The following NALF1 variants were observed in gnomAD, a reference collection of about 807,000 sequenced individuals.
NALF1 encodes the protein NALCN channel auxiliary factor 1.
In NALF1, 3 loss-of-function variants were observed where a neutral mutation model predicts 48.4. The ratio of observed to expected loss-of-function variants is 0.06; its 90% confidence interval spans 0.03 to 0.16. The LOEUF (loss-of-function observed/expected upper bound fraction) is 0.16. NALF1 is among the 10% of genes least tolerant of loss of function. The pLI is 1.00. For missense variants in NALF1, 526 were observed against 571.5 expected (o/e 0.92, Z 0.81); for synonymous variants, 262 against 245.7 (o/e 1.07, Z -0.62).
intron 1 of NALF1, among the ~76,000 whole-genome samples, chr13:107,324,959 T>A (rs1296601640): frequency 6.6e-6 from 1 of 152,212 alleles, no homozygotes; most frequent in Non-Finnish European, 1.5e-5. Flanking sequence ...TGAAATGATT[T>A]ATGTCTATTG....
At chr13:107,211,175 C>T (rs564353386) in intron 1 of NALF1, among the ~76,000 whole-genome samples, 10 of 152,310 alleles carry the variant, frequency 6.6e-5, no homozygotes, top group Admixed American at 5.2e-4. Context: ...ACGTCTATGC[C>T]TCCATAGGAC....
intron 1 of NALF1, among the ~76,000 whole-genome samples, chr13:107,643,511 A>G (rs1880219696): frequency 1.4e-5 from 2 of 145,630 alleles, no homozygotes; most frequent in South Asian, 4.8e-4. Flanking sequence ...AAATGTAAAT[A>G]CAGTATAATT....
intron 2 of NALF1, among the ~76,000 whole-genome samples, chr13:107,185,250 G>A (rs1246551509): frequency 1.3e-5 from 2 of 152,130 alleles, no homozygotes; most frequent in Admixed American, 6.5e-5. Context: ...GAAAATACAT[G>A]TCTACTTGGT....
intron 1 of NALF1, among the ~76,000 whole-genome samples, chr13:107,582,866 T>C (rs2138411758): frequency 6.6e-6 from 1 of 152,282 alleles, no homozygotes; most frequent in Non-Finnish European, 1.5e-5. Context: ...AAAATGAGTC[T>C]ACGCGTGCAC....
chr13:107,320,012 A>G (rs1475278581), intron 1 of NALF1, among the ~76,000 whole-genome samples: 1 of 152,148 alleles, frequency 6.6e-6, no homozygotes, highest in Middle Eastern at 3.2e-3. Context: ...AACTTACAGA[A>G]CAGAACAAGG....
chr13:107,848,466 T>C (rs1880228248), intron 1 of NALF1, among the ~76,000 whole-genome samples: 1 of 152,204 alleles, frequency 6.6e-6, no homozygotes, highest in Non-Finnish European at 1.5e-5. Flanking sequence ...CAAGTAACTT[T>C]CCCAAATAAT....
At chr13:107,698,873 T>G (rs966462709) in intron 1 of NALF1, among the ~76,000 whole-genome samples, 2 of 152,084 alleles carry the variant, frequency 1.3e-5, no homozygotes, top group African/African-American at 4.8e-5. Flanking sequence ...ATACTGCTGA[T>G]AGAGTGGTGA....
intron 1 of NALF1, among the ~76,000 whole-genome samples, chr13:107,487,519 T>C (rs1885348821): frequency 6.6e-6 from 1 of 152,316 alleles, no homozygotes; most frequent in African/African-American, 2.4e-5. Flanking sequence ...AGTGGACATG[T>C]GTATCCACTG....
intron 1 of NALF1, among the ~76,000 whole-genome samples, chr13:107,245,254 T>C (rs1048239801): frequency 6.6e-6 from 1 of 152,248 alleles, no homozygotes; most frequent in Non-Finnish European, 1.5e-5. Flanking sequence ...ATGAAAAGCA[T>C]GGTTTTCACG....
chr13:107,289,452 AT>A (rs528905286), intron 1 of NALF1, among the ~76,000 whole-genome samples: 8 of 152,064 alleles, frequency 5.3e-5, no homozygotes, highest in Admixed American at 3.3e-4. Context: ...AATATTCCGG[AT>A]TTTTTTGGCA....
chr13:107,252,420 AGAG>A (rs1250093410), intron 1 of NALF1, among the ~76,000 whole-genome samples: 2 of 151,316 alleles, frequency 1.3e-5, no homozygotes, highest in Non-Finnish European at 3.0e-5. Flanking sequence ...GAGAATAAAG[AGAG>A]GAGAGAGGAA....
intron 1 of NALF1, among the ~76,000 whole-genome samples, chr13:107,630,159 T>A (rs2138447753): frequency 7.0e-6 from 1 of 143,628 alleles, no homozygotes; most frequent in Non-Finnish European, 1.5e-5. Flanking sequence ...GGTCTGATTT[T>A]TCATAAAAAA....
chr13:107,818,988 T>C (rs1224561727), intron 1 of NALF1, among the ~76,000 whole-genome samples: 3 of 151,612 alleles, frequency 2.0e-5, no homozygotes, highest in Non-Finnish European at 2.9e-5. Context: ...TTATAAAACA[T>C]GAGAGCCTGA....
intron 1 of NALF1, among the ~76,000 whole-genome samples, chr13:107,635,233 A>T (rs945214692): frequency 1.7e-4 from 26 of 152,124 alleles, no homozygotes; most frequent in African/African-American, 5.8e-4. Flanking sequence ...TGGGTAATTT[A>T]TAAAGGAAAG....
chr13:107,854,852 G>A (rs1332136407), intron 1 of NALF1, among the ~76,000 whole-genome samples: 1 of 144,150 alleles, frequency 6.9e-6, no homozygotes, highest in African/African-American at 2.6e-5. Context: ...TCAGCCTGGC[G>A]ACACAGGTTC....
At chr13:107,783,043 C>T (rs1366632736) in intron 1 of NALF1, among the ~76,000 whole-genome samples, 6 of 145,366 alleles carry the variant, frequency 4.1e-5, no homozygotes, top group South Asian at 2.2e-4. Context: ...CCCGGCCAGC[C>T]GCCCCGACCG....
At chr13:107,544,014 T>G (rs677532) in intron 1 of NALF1, among the ~76,000 whole-genome samples, 55,935 of 151,914 alleles carry the variant, frequency 0.37, 10,455 homozygotes, top group African/African-American at 0.42. Flanking sequence ...GTAGGGGTGA[T>G]GTTTACAGTC....
rs139771382 is a variant in NALF1 at position 107,866,461 on chromosome 13, A to C, written c.136T>G (p.Leu46Val). The C allele has an allele frequency of 2.1e-5, 34 of 1,614,012 alleles. No individual in the cohort carries two copies. The African/African-American group carries it at 3.5e-4, about 16-fold the overall frequency. Residue 46 changes from leucine to valine, a missense_variant, in exon 1 of 3, where the codon TTG (leucine) becomes GTG (valine). Leu to Val is a conservative substitution (Grantham distance 32). Coordinates refer to ENST00000375915, the MANE Select transcript of NALF1 (RefSeq NM_001080396.3). This position sits in a 1 kb window ranked among gnomAD's most constrained non-coding sequence, Gnocchi z 4.4. ...TCAGAGAGCAGGACTGTGAAAAACA[A>C]GAGAGATGCCAGAGACAGTCGCCAT... ...QKWRLSLASL[L>V]FFTVLLSDHL...
chr13:107,682,059 G>A (rs1881318281), intron 1 of NALF1, among the ~76,000 whole-genome samples: 1 of 152,104 alleles, frequency 6.6e-6, no homozygotes, highest in African/African-American at 2.4e-5. Flanking sequence ...CAGGCACTGG[G>A]AACATATTAA....
Sources: allele counts gnomAD v4.1 joint callset (sites outside exome capture counted in the v4.1 genomes callset), GRCh38; gene constraint gnomAD v4.1.1; non-coding constraint Gnocchi (gnomAD v3.1); transcripts MANE v1.5; gene names NCBI Gene and HGNC (gene_info 2026-07-23, HGNC 2026-07-21).